LRP1B: variants seen among roughly 807,000 people sequenced by gnomAD.
The protein encoded by LRP1B is low-density lipoprotein receptor-related protein 1B.
In LRP1B, 217 loss-of-function variants were observed where a neutral mutation model predicts 556.6. The ratio of observed to expected loss-of-function variants is 0.39; its 90% CI spans 0.35 to 0.44. LRP1B has a LOEUF of 0.44. Ranked by LOEUF, LRP1B falls within the 20% of genes least tolerant of loss-of-function variation. The probability of loss-of-function intolerance (pLI) is 1.00; values close to 1 mark genes in which losing one functional copy is unlikely to be tolerated. For missense variants in LRP1B, 5,053 were observed against 5,620.8 expected (o/e 0.90, Z 3.23); for synonymous variants, 2,047 against 1,865.8 (o/e 1.10, Z -2.50).
chr2:140,749,120 A>AAG (rs1440280054), intron 35 of LRP1B, among the ~76,000 whole-genome samples: 2 of 151,872 alleles, frequency 1.3e-5, no homozygotes, highest in Admixed American at 1.3e-4. Flanking sequence ...TAGAAAAGCT[A>AAG]CAGCAAAAAT....
At chr2:140,490,307 G>A (rs954078468) in intron 57 of LRP1B, among the ~76,000 whole-genome samples, 2 of 152,090 alleles carry the variant, frequency 1.3e-5, no homozygotes, top group African/African-American at 2.4e-5. Flanking sequence ...GTATGTCACT[G>A]AAGTACAGTT....
At chr2:140,637,587 A>G (rs895838577) in intron 41 of LRP1B, among the ~76,000 whole-genome samples, 2 of 151,770 alleles carry the variant, frequency 1.3e-5, no homozygotes, top group Non-Finnish European at 2.9e-5. Context: ...TTTTTTTCCT[A>G]AATTGGCTAT....
chr2:141,888,376 C>T (rs1699186860), intron 1 of LRP1B, among the ~76,000 whole-genome samples: 1 of 152,066 alleles, frequency 6.6e-6, no homozygotes, highest in African/African-American at 2.4e-5. Context: ...TATTGAGGTT[C>T]TTCAGTCCGG....
intron 25 of LRP1B, among the ~76,000 whole-genome samples, chr2:140,875,032 A>T (rs1470919172): frequency 6.6e-6 from 1 of 152,042 alleles, no homozygotes; most frequent in Non-Finnish European, 1.5e-5. Flanking sequence ...AAAAAAAAAA[A>T]AAAGGACACC....
intron 51 of LRP1B, 29 bp from the exon 52 acceptor site, chr2:140,510,085 G>C (rs2104917982): frequency 6.2e-7 from 1 of 1,609,792 alleles, no homozygotes; most frequent in Non-Finnish European, 8.5e-7. Context: ...ATGCCATTAA[G>C]ATTACTCTGT....
At chr2:140,991,589 A>G (rs1344775403) in intron 16 of LRP1B, among the ~76,000 whole-genome samples, 1 of 152,110 alleles carries the variant, frequency 6.6e-6, no homozygotes, top group Non-Finnish European at 1.5e-5. Flanking sequence ...ACACTACAAC[A>G]TAAGGTGTCT....
chr2:140,594,707 T>TA (rs1682362775), intron 43 of LRP1B, among the ~76,000 whole-genome samples: 1 of 152,212 alleles, frequency 6.6e-6, no homozygotes, highest in South Asian at 2.1e-4. Flanking sequence ...CTGATTTCCC[T>TA]ACTCTTGAGA....
chr2:141,091,387 T>A (rs1300507520), intron 7 of LRP1B, among the ~76,000 whole-genome samples: 2 of 152,168 alleles, frequency 1.3e-5, no homozygotes, highest in African/African-American at 2.4e-5. Context: ...GTCATTTTGT[T>A]AAAATAATGA....
chr2:140,581,473 C>T (rs1346959424), intron 43 of LRP1B, among the ~76,000 whole-genome samples: 1 of 151,936 alleles, frequency 6.6e-6, no homozygotes, highest in African/African-American at 2.4e-5. Flanking sequence ...AAGCTCTTGC[C>T]TCAGGCTTTG....
At chr2:140,912,007 A>G (rs1388048262) in intron 21 of LRP1B, among the ~76,000 whole-genome samples, 4 of 151,902 alleles carry the variant, frequency 2.6e-5, no homozygotes, top group African/African-American at 7.2e-5. Context: ...AAATAATGTC[A>G]CCAGAGATAT....
intron 6 of LRP1B, among the ~76,000 whole-genome samples, chr2:141,202,260 T>C (rs776344731): frequency 6.7e-6 from 1 of 150,178 alleles, no homozygotes; most frequent in Admixed American, 6.7e-5. Context: ...TTTGTTTTTG[T>C]GGCTGCATAG....
intron 1 of LRP1B, among the ~76,000 whole-genome samples, chr2:142,064,194 A>C (rs1490344566): frequency 6.6e-5 from 10 of 151,576 alleles, no homozygotes; most frequent in Non-Finnish European, 5.9e-5. Context: ...TTACATTCAT[A>C]TAATCCTATT....
intron 6 of LRP1B, among the ~76,000 whole-genome samples, chr2:141,195,511 G>C (rs1174117012): frequency 6.6e-6 from 1 of 152,098 alleles, no homozygotes; most frequent in Non-Finnish European, 1.5e-5. Flanking sequence ...TAACTCAGTA[G>C]TCAAATCCCT....
chr2:141,112,808 T>C (rs1423054558), intron 7 of LRP1B, among the ~76,000 whole-genome samples: 1 of 152,204 alleles, frequency 6.6e-6, no homozygotes, highest in Non-Finnish European at 1.5e-5. Context: ...TCAACTGTAT[T>C]TGAAAAAGGC....
intron 6 of LRP1B, among the ~76,000 whole-genome samples, chr2:141,226,308 A>C (rs1052060162): frequency 6.6e-6 from 1 of 152,162 alleles, no homozygotes; most frequent in Non-Finnish European, 1.5e-5. Context: ...CTGAACTTTG[A>C]GTAAAAATGC....
chr2:141,644,007 AGAGTGTGTGTGT>A lies in LRP1B; in HGVS notation c.206-163486_206-163475del, dbSNP rs1261203207. ...CAATAAATGTTTAGGGAGAATGTGGAGAGTGTGTGTGTGTGTGTGTGTGTGTGTGTGTGTGTG... is the reference window on the plus strand; with the variant it reads ...CAATAAATGTTTAGGGAGAATGTGGAGTGTGTGTGTGTGTGTGTGTGTGTG... On this transcript the variant is annotated intron_variant, in intron 2 of 90. Transcript: ENST00000389484. Among the ~76,000 whole-genome samples, 1,212 of 142,094 alleles carry A rather than the reference AGAGTGTGTGTGT, an allele frequency of 8.5e-3. 20 individuals are homozygous for A. The highest frequency in any genetic ancestry group is 0.037 in the Admixed American group (518 of 13,984). 93.2% of individuals were successfully genotyped at this position (142,094 alleles called of 152,430 possible).
At chr2:141,285,339 G>A (rs930250555) in intron 3 of LRP1B, among the ~76,000 whole-genome samples, 2 of 151,402 alleles carry the variant, frequency 1.3e-5, no homozygotes, top group African/African-American at 4.9e-5. Context: ...CACCCGCCTC[G>A]GCCTCCCAAA....
chr2:141,618,185 A>AT lies in LRP1B; in HGVS notation c.206-137653dup, dbSNP rs200088500. On this transcript the variant is annotated intron_variant, in intron 2 of 90. Transcript: ENST00000389484. The stretch of plus-strand genomic sequence containing the variant: ...ATTGTCCTTTCTCTGGTGTGCTTTT[A>AT]TTTTTTTTTTCCTCGCTAGTAATTT... Among the ~76,000 whole-genome samples, 13 of 149,472 alleles carry AT rather than the reference A, an allele frequency of 8.7e-5. No homozygotes were observed. The South Asian group carries it at 1.3e-3, about 15-fold the overall frequency.
intron 41 of LRP1B, among the ~76,000 whole-genome samples, chr2:140,604,319 T>C (rs1294913607): frequency 6.6e-6 from 1 of 152,046 alleles, no homozygotes; most frequent in East Asian, 1.9e-4. Flanking sequence ...CTGACATGTT[T>C]TTGCAGAAGA....
Sources: gnomAD v4.1 joint callset for allele counts (sites outside exome capture counted in the v4.1 genomes callset) on GRCh38, gnomAD v4.1.1 for gene constraint, MANE v1.5 for transcripts, NCBI Gene and HGNC (gene_info 2026-07-23, HGNC 2026-07-21) for gene names.